The following VAV3 variants were observed in gnomAD, a reference collection of about 807,000 sequenced individuals.
The protein encoded by VAV3 is vav guanine nucleotide exchange factor 3.
VAV3 carries 94 observed loss-of-function variants against 131.2 expected under a neutral mutation model. The observed-to-expected ratio is 0.72, with a 90% CI of 0.61 to 0.85. The LOEUF is 0.85. VAV3 is among the 40% of genes least tolerant of loss of function. The pLI is 0.00. For synonymous variants in VAV3, 349 were observed against 342.0 expected (o/e 1.02, Z -0.22); for missense variants, 939 against 1,002.7 (o/e 0.94, Z 0.86).
chr1:107,724,363 T>C (rs1254990458), intron 15 of VAV3, among the ~76,000 whole-genome samples: 1 of 151,952 alleles, frequency 6.6e-6, no homozygotes, highest in African/African-American at 2.4e-5. Context: ...TCTGAAGTTA[T>C]ATGGCACTTA....
chr1:107,826,075 T>C (rs1198975565), intron 2 of VAV3, among the ~76,000 whole-genome samples: 2 of 152,180 alleles, frequency 1.3e-5, no homozygotes, highest in South Asian at 4.1e-4. Flanking sequence ...TAACAAGGTC[T>C]CCACTTGTAC....
chr1:107,964,904 GGGC>G lies in VAV3; in HGVS notation c.-38_-36del. The G allele has an allele frequency of 7.6e-7, 1 of 1,318,798 alleles. No homozygotes were observed. 81.7% of individuals were successfully genotyped at this position (1,318,798 alleles called of 1,614,324 possible). A position where few individuals can be genotyped will look rare whatever the true frequency, so the allele number is the denominator to read the frequency against. ...CTCCGGGACGCGGCTGGGCCGGGGC[GGGC>G]GGCAAGGATGCGGCCGCCGCCGCCG... On this transcript the variant is annotated 5_prime_UTR_variant, in exon 1 of 27. Transcript: ENST00000370056.
At chr1:107,795,613 C>T (rs1474071722) in intron 2 of VAV3, among the ~76,000 whole-genome samples, 2 of 152,154 alleles carry the variant, frequency 1.3e-5, no homozygotes, top group Non-Finnish European at 2.9e-5. Flanking sequence ...AAGGTTATTT[C>T]CCCCAGAGAA....
intron 1 of VAV3, among the ~76,000 whole-genome samples, chr1:107,943,425 T>C (rs1450696267): frequency 6.6e-6 from 1 of 152,184 alleles, no homozygotes; most frequent in Non-Finnish European, 1.5e-5. Context: ...CAATTTATCA[T>C]TTCCTTGGCT....
intron 1 of VAV3, among the ~76,000 whole-genome samples, chr1:107,902,110 A>C (rs1671890400): frequency 6.6e-6 from 1 of 152,004 alleles, no homozygotes; most frequent in Non-Finnish European, 1.5e-5. Flanking sequence ...TAAAAAAATA[A>C]AAAAAAATTC....
intron 15 of VAV3, among the ~76,000 whole-genome samples, chr1:107,728,625 GTATA>G (rs1304509186): frequency 2.0e-4 from 21 of 105,790 alleles, no homozygotes; most frequent in South Asian, 1.0e-3. Flanking sequence ...ATATGTATAT[GTATA>G]TGTATATGTA....
chr1:107,925,211 C>A (rs113350493), intron 1 of VAV3, among the ~76,000 whole-genome samples: 1 of 152,036 alleles, frequency 6.6e-6, no homozygotes, highest in African/African-American at 2.4e-5. Flanking sequence ...GATAGAAGTA[C>A]CTTTGAGGCC....
At chr1:107,695,591 C>A (rs1659696084) in intron 17 of VAV3, among the ~76,000 whole-genome samples, 1 of 152,036 alleles carries the variant, frequency 6.6e-6, no homozygotes, top group Non-Finnish European at 1.5e-5. Context: ...CATTTGAGGT[C>A]AATGCAAGAC....
At chr1:107,604,254 C>T (rs949525091) in intron 22 of VAV3, among the ~76,000 whole-genome samples, 3 of 152,068 alleles carry the variant, frequency 2.0e-5, no homozygotes, top group African/African-American at 7.2e-5. Context: ...TATAAACATC[C>T]ACCTGTAATG....
chr1:107,810,633 G>GT (rs1210590110), intron 2 of VAV3, among the ~76,000 whole-genome samples: 1 of 152,104 alleles, frequency 6.6e-6, no homozygotes, highest in Non-Finnish European at 1.5e-5. Context: ...GGATTTTTCA[G>GT]TAAGGAAATC....
chr1:107,623,508 A>G (rs969777149), intron 20 of VAV3, among the ~76,000 whole-genome samples: 1 of 152,186 alleles, frequency 6.6e-6, no homozygotes, highest in Non-Finnish European at 1.5e-5. Flanking sequence ...ATAGACTCTC[A>G]TATCACTTTC....
intron 2 of VAV3, among the ~76,000 whole-genome samples, chr1:107,825,293 G>C (rs1417931278): frequency 6.6e-6 from 1 of 151,808 alleles, no homozygotes; most frequent in Non-Finnish European, 1.5e-5. Flanking sequence ...CACACTTATG[G>C]GTCTTTATTG....
At chr1:107,751,003 C>T in intron 13 of VAV3, 114 bp downstream of exon 13, 1 of 1,018,652 alleles carries the variant, frequency 9.8e-7, no homozygotes. Flanking sequence ...GGTCTGTCTC[C>T]TTGTATTTCT....
intron 17 of VAV3, among the ~76,000 whole-genome samples, chr1:107,695,159 G>A (rs572642360): frequency 2.0e-5 from 3 of 152,062 alleles, no homozygotes; most frequent in Non-Finnish European, 2.9e-5. Flanking sequence ...TAGGTTGGGG[G>A]ATAGGAGGAA....
intron 20 of VAV3, among the ~76,000 whole-genome samples, chr1:107,627,148 T>C (rs1654082958): frequency 6.6e-6 from 1 of 152,150 alleles, no homozygotes; most frequent in Non-Finnish European, 1.5e-5. Context: ...TTGTGCGTTA[T>C]TGCACAGATC....
intron 15 of VAV3, among the ~76,000 whole-genome samples, chr1:107,735,253 C>G (rs1199699656): frequency 1.3e-5 from 2 of 152,118 alleles, no homozygotes; most frequent in African/African-American, 4.8e-5. Flanking sequence ...CAGGAGAAAG[C>G]AGGAAAGATC....
At chr1:107,881,966 T>G (rs1670803010) in intron 1 of VAV3, among the ~76,000 whole-genome samples, 2 of 152,220 alleles carry the variant, frequency 1.3e-5, no homozygotes, top group Non-Finnish European at 2.9e-5. Context: ...TGGTTTCCTT[T>G]TTCTCTATGT....
chr1:107,631,592 G>A (rs992616075), intron 20 of VAV3, among the ~76,000 whole-genome samples: 11 of 149,016 alleles, frequency 7.4e-5, no homozygotes, highest in African/African-American at 9.9e-5. Flanking sequence ...TCGTCATTTA[G>A]CATTAGGTAT....
chr1:107,765,204 T>C (rs1356528234), intron 8 of VAV3, 29 bp from the exon 9 acceptor site: 2 of 1,561,048 alleles, frequency 1.3e-6, no homozygotes, highest in Admixed American at 3.4e-5. Context: ...AAGAAATCTC[T>C]AAGACAAAAA....
Sources: gnomAD v4.1 joint callset for allele counts (sites outside exome capture counted in the v4.1 genomes callset) on GRCh38, gnomAD v4.1.1 for gene constraint, MANE v1.5 for transcripts, NCBI Gene and HGNC (gene_info 2026-07-23, HGNC 2026-07-21) for gene names.